The following ZNF415 variants were observed in gnomAD, a reference collection of about 807,000 sequenced individuals.
ZNF415 encodes zinc finger protein 415.
In ZNF415, 5 loss-of-function variants were observed where a neutral mutation model predicts 7.3. The observed-to-expected ratio is 0.69, with a 90% confidence interval of 0.36 to 1.44. The LOEUF is 1.44. ZNF415 is among the 40% of genes most tolerant of loss of function. ZNF415 has a pLI of 0.04. For missense variants in ZNF415, 628 were observed against 664.8 expected (o/e 0.94, Z 0.61); for synonymous variants, 207 against 226.3 (o/e 0.91, Z 0.77).
In ZNF415 at chr19:53,111,347, T is replaced by TTC. The variant is rs1019827442; in HGVS notation, c.137-1440_137-1439insGA. ...TCCTAGCCTATGATATTTCTTTTTTTTTTTTTTTTTTTTTGAGACCCAGTT... is the reference window on the plus strand; with the variant it reads ...TCCTAGCCTATGATATTTCTTTTTTTTCTTTTTTTTTTTTTTGAGACCCAGTT... On this transcript the variant is annotated intron_variant, in intron 3 of 3. Transcript: ENST00000243643. Among the ~76,000 whole-genome samples, 7 of 147,728 alleles carry TTC rather than the reference T, an allele frequency of 4.7e-5. No individual in the cohort carries two copies. The East Asian group carries it at 1.4e-3, about 29-fold the overall frequency.
rs1044937766 is a variant in ZNF415, at chr19:53,130,007, G to A, written c.-68+2849C>T. 2.3e-4 allele frequency among the ~76,000 whole-genome samples: 34 copies of A among 150,724 alleles called. 1 individual carries two copies. Among genetic ancestry groups the A allele is most frequent in the Non-Finnish European group, 5.9e-5 (4 of 67,870 alleles). On this transcript the variant is annotated intron_variant, in intron 1 of 3. Coordinates refer to ENST00000243643, the MANE Select transcript of ZNF415 (RefSeq NM_018355.4). ...TTGAACCCGGGAGGCGGAGGTTGCA[G>A]TGAGCCGAGATTGCACCACTGTACT...
Position 53,109,690 on chromosome 19 carries a change from T to G in ZNF415, c.355A>C (p.Thr119Pro). ...KVTTAPKENL[T>P]CRRDQRDRRG... The stretch of plus-strand genomic sequence containing the variant: ...CTATCGCGTTGGTCTCTCCTACAAG[T>G]AAGATTTTCTTTTGGGGCCGTAGTC... Residue 119 changes from threonine (T) to proline (P), a missense_variant, in exon 4 of 4, where the codon ACT (threonine) becomes CCT (proline). Physicochemically the swap from Thr to Pro is conservative, Grantham distance 38. Transcript: ENST00000243643. 6.2e-7 allele frequency: 1 copy of G among 1,614,028 alleles called. No individual in the cohort carries two copies. The highest frequency in any genetic ancestry group is 1.3e-5 in the African/African-American group (1 of 75,046).
intron 1 of ZNF415, among the ~76,000 whole-genome samples, chr19:53,124,616 G>C (rs2088721173): frequency 6.6e-6 from 1 of 152,178 alleles, no homozygotes; most frequent in Non-Finnish European, 1.5e-5. Context: ...CTGAGGCTAT[G>C]AGTGGGGCTG....
chr19:53,108,989 G>C lies in ZNF415; in HGVS notation c.1056C>G (p.Gly352=). The C allele has an allele frequency of 6.2e-7, 1 of 1,613,912 alleles. No homozygotes were observed. The highest frequency in any genetic ancestry group is 8.5e-7 in the Non-Finnish European group (1 of 1,179,970). The change falls in exon 4 of 4, where the codon GGC becomes GGG. Residue 352 remains glycine (G), a synonymous_variant. Transcript: ENST00000243643. Reference sequence around the variant, plus strand: ...ATTCATTGCATTTGTAAGGTTTCTTGCCACTATGAATTACCTGATGGTTGG... The same window carrying C: ...ATTCATTGCATTTGTAAGGTTTCTTCCCACTATGAATTACCTGATGGTTGG... ...TLTNHQVIHS[G]KKPYKCNECG... is the part of the protein sequence containing the mutation.
intron 1 of ZNF415, among the ~76,000 whole-genome samples, chr19:53,123,030 C>T (rs1284633970): frequency 6.6e-6 from 1 of 152,158 alleles, no homozygotes; most frequent in African/African-American, 2.4e-5. Flanking sequence ...AGAGCACAGC[C>T]CCCTTTCCCT....
At position 53,115,351 on chromosome 19, in the gene ZNF415, A is replaced by G. The variant is rs1213081570; in HGVS notation, c.136+962T>C. 5 of 214,876 alleles carry G rather than the reference A, an allele frequency of 2.3e-5. No individual in the cohort carries two copies. The East Asian group carries it at 5.6e-4, about 24-fold the overall frequency. The allele number at this position is 214,876 out of a possible 1,614,324, so 13.3% of individuals were successfully genotyped here. On this transcript the variant is annotated intron_variant, in intron 3 of 3. Transcript: ENST00000243643. ...ACTCCATCTCAAAAAAAAAAGAACAACAGCAACAAATAACAGGAGAGACCA... is the reference window on the plus strand; with the variant it reads ...ACTCCATCTCAAAAAAAAAAGAACAGCAGCAACAAATAACAGGAGAGACCA...
intron 2 of ZNF415, among the ~76,000 whole-genome samples, chr19:53,119,972 G>T (rs934171560): frequency 7.1e-6 from 1 of 141,352 alleles, no homozygotes; most frequent in East Asian, 2.2e-4. Flanking sequence ...TTTCAAAGAA[G>T]AACTAAGACT....
Position 53,109,127 on chromosome 19 carries a change from G to T in ZNF415, c.918C>A (p.Asp306Glu), listed in dbSNP as rs762982485. ...GEKPYKCYEC[D>E]KVFSRNSCLA... ...GGCATGAATTTCGACTGAAGACCTT[G>T]TCACACTCATAACATTTGTAAGGTT... The change falls in exon 4 of 4, where the codon GAC (aspartate) becomes GAA (glutamate). Residue 306 changes from aspartate to glutamate, a missense_variant. Coordinates refer to ENST00000243643, the MANE Select transcript of ZNF415 (RefSeq NM_018355.4). 1.2e-6 allele frequency: 2 copies of T among 1,613,790 alleles called. No individual in the cohort carries two copies. The highest frequency in any genetic ancestry group is 4.5e-5 in the East Asian group (2 of 44,844).
At chr19:53,127,377 A>C (rs545251897) in intron 1 of ZNF415, among the ~76,000 whole-genome samples, 23 of 152,328 alleles carry the variant, frequency 1.5e-4, no homozygotes, top group African/African-American at 5.5e-4. Flanking sequence ...TAACAATGAA[A>C]TAATACACAT....
At position 53,113,506 on chromosome 19, in the gene ZNF415, C is replaced by CA. The variant is rs1176054018; in HGVS notation, c.136+2806dup. 4.5e-4 allele frequency among the ~76,000 whole-genome samples: 28 copies of CA among 62,204 alleles called. 4 individuals carry two copies. The highest frequency in any genetic ancestry group is 1.2e-3 in the African/African-American group (19 of 15,680). 40.8% of individuals were successfully genotyped at this position (62,204 alleles called of 152,430 possible). On this transcript the variant is annotated intron_variant, in intron 3 of 3. Coordinates refer to ENST00000243643, the MANE Select transcript of ZNF415 (RefSeq NM_018355.4). ...TGGGCGACAGAGCGAAACTCCGTCT[C>CA]AAAAAAAAAAAAAAAAAAAAAAAAA...
chr19:53,114,571 A>G (rs1380848723), intron 3 of ZNF415, among the ~76,000 whole-genome samples: 3 of 152,230 alleles, frequency 2.0e-5, no homozygotes, highest in African/African-American at 7.2e-5. Context: ...CCAACGGAAA[A>G]GAGAGAAAAA....
rs534823887 is a variant in ZNF415 at position 53,126,602 on chromosome 19, C to T, written c.-67-3859G>A. Among the ~76,000 whole-genome samples the T allele has an allele frequency of 2.7e-4, 35 of 130,594 alleles. 7 individuals are homozygous for T. Among genetic ancestry groups the T allele is most frequent in the African/African-American group, 7.8e-4 (31 of 39,546 alleles). The allele number at this position is 130,594 out of a possible 152,430, so 85.7% of individuals were successfully genotyped here. A position where few individuals can be genotyped will look rare whatever the true frequency, so the allele number is the denominator to read the frequency against. Reference sequence around the variant, plus strand: ...AAGGAGAGACACAAGCAGACCAACCCCTCCTCTCCCTCAATCACCCGCCTA... The same window carrying T: ...AAGGAGAGACACAAGCAGACCAACCTCTCCTCTCCCTCAATCACCCGCCTA... On this transcript the variant is annotated intron_variant, in intron 1 of 3. Transcript: ENST00000243643.
At chr19:53,131,606 T>C (rs1266328199) in intron 1 of ZNF415, among the ~76,000 whole-genome samples, 4 of 152,056 alleles carry the variant, frequency 2.6e-5, no homozygotes, top group Non-Finnish European at 5.9e-5. Context: ...AGCTCTTTCC[T>C]TCCCCTTTAT....
At chr19:53,120,406 C>T (rs1483703816) in intron 2 of ZNF415, among the ~76,000 whole-genome samples, 1 of 151,996 alleles carries the variant, frequency 6.6e-6, no homozygotes, top group Non-Finnish European at 1.5e-5. Flanking sequence ...CAATATTGTT[C>T]TAAAATCTCA....
At chr19:53,129,076 T>C (rs8108729) in intron 1 of ZNF415, among the ~76,000 whole-genome samples, 88,935 of 151,832 alleles carry the variant, frequency 0.59, 26,383 homozygotes, top group Middle Eastern at 0.65. Context: ...CATCTCTCAG[T>C]CTAGACCCGA....
intron 3 of ZNF415, among the ~76,000 whole-genome samples, chr19:53,111,491 T>C (rs1205212150): frequency 6.6e-6 from 1 of 151,842 alleles, no homozygotes; most frequent in Non-Finnish European, 1.5e-5. Context: ...TACAGGTGCC[T>C]ACCACCATGC....
chr19:53,131,710 C>G (rs879828766), intron 1 of ZNF415, among the ~76,000 whole-genome samples: 2 of 152,082 alleles, frequency 1.3e-5, no homozygotes, highest in Non-Finnish European at 2.9e-5. Flanking sequence ...CTTGCTCTTT[C>G]CATTCTTGCA....
chr19:53,107,996 G>A lies in ZNF415; in HGVS notation c.*381C>T, dbSNP rs553381483. The stretch of plus-strand genomic sequence containing the variant: ...AAAAGTTTATCAGCACAACTAGACT[G>A]AATTATTCCTCACATAAATCCTTGG... On this transcript the variant is annotated 3_prime_UTR_variant, in exon 4 of 4. Coordinates refer to ENST00000243643, the MANE Select transcript of ZNF415 (RefSeq NM_018355.4). 4.9e-5 allele frequency: 10 copies of A among 202,456 alleles called. No homozygotes were observed. The highest frequency in any genetic ancestry group is 7.0e-5 in the Non-Finnish European group (7 of 100,066). The allele number at this position is 202,456 out of a possible 1,614,324, so 12.5% of individuals were successfully genotyped here. A position where few individuals can be genotyped will look rare whatever the true frequency, so the allele number is the denominator to read the frequency against.
At position 53,109,003 on chromosome 19, in the gene ZNF415, C is replaced by T. The variant is rs750347832; in HGVS notation, c.1042G>A (p.Val348Ile). Reference protein sequence around the residue: ...SVRSTLTNHQVIHSGKKPYKC... With the variant: ...SVRSTLTNHQIIHSGKKPYKC... ...TAAGGTTTCTTGCCACTATGAATTACCTGATGGTTGGTAAGTGTTGACCTC... is the reference window on the plus strand; with the variant it reads ...TAAGGTTTCTTGCCACTATGAATTATCTGATGGTTGGTAAGTGTTGACCTC... The change falls in exon 4 of 4, where the codon GTA (valine) becomes ATA (isoleucine). Residue 348 changes from valine (V) to isoleucine (I), a missense_variant. Physicochemically the swap from Val to Ile is conservative, Grantham distance 29 (BLOSUM62 3). Transcript: ENST00000243643. 6.2e-7 allele frequency: 1 copy of T among 1,614,002 alleles called. No individual in the cohort carries two copies. The highest frequency in any genetic ancestry group is 2.2e-5 in the East Asian group (1 of 44,864).
Sources: gnomAD v4.1 joint callset for allele counts (sites outside exome capture counted in the v4.1 genomes callset) on GRCh38, gnomAD v4.1.1 for gene constraint, MANE v1.5 for transcripts, NCBI Gene and HGNC (gene_info 2026-07-23, HGNC 2026-07-21) for gene names.